The following PAK5 variants were observed in gnomAD, a reference collection of about 807,000 sequenced individuals.
PAK5 encodes the protein p21 (RAC1) activated kinase 5.
A neutral mutation model predicts 65.9 loss-of-function variants in PAK5; 16 were observed. That is an observed-to-expected ratio of 0.24 (90% CI 0.16 to 0.37). The LOEUF (loss-of-function observed/expected upper bound fraction) is 0.37. PAK5 is among the 10% of genes least tolerant of loss of function. The probability of loss-of-function intolerance (pLI) is 1.00; values close to 1 mark genes in which losing one functional copy is unlikely to be tolerated. For missense variants in PAK5, 785 were observed against 903.9 expected, an observed-to-expected ratio of 0.87 and a Z score of 1.69; for synonymous variants, 371 against 354.9, an observed-to-expected ratio of 1.05 and a Z score of -0.51.
At chr20:9,780,930 TATG>T (rs1476443353) in intron 1 of PAK5, among the ~76,000 whole-genome samples, 3 of 152,194 alleles carry the variant, frequency 2.0e-5, no homozygotes, top group Admixed American at 6.6e-5. Context: ...ATCTAGGTAT[TATG>T]ATGATTATTT....
Position 9,542,845 on chromosome 20 carries a change from T to C in PAK5, c.1870-125A>G, listed in dbSNP as rs183832158. On this transcript the variant is annotated intron_variant, in intron 8 of 9. Transcript: ENST00000353224. ...ACTTGTAACCTCTCAACATTTACAA[T>C]ATAGATTTATAGGCTAAACTGCTGG... is the stretch of plus-strand genomic sequence containing the variant. 173 of 823,130 alleles carry C rather than the reference T, an allele frequency of 2.1e-4. 1 individual carries two copies. In the East Asian group the frequency reaches 4.2e-3, roughly 20 times the overall value. The allele number at this position is 823,130 out of a possible 1,614,324, so 51.0% of individuals were successfully genotyped here.
intron 1 of PAK5, among the ~76,000 whole-genome samples, chr20:9,800,124 C>T (rs1191507654): frequency 2.0e-5 from 3 of 151,992 alleles, no homozygotes; most frequent in Admixed American, 6.6e-5. Flanking sequence ...GAACTGTCTT[C>T]GCTAATCCTT....
At chr20:9,683,714 C>T (rs919208541) in intron 2 of PAK5, among the ~76,000 whole-genome samples, 3 of 151,956 alleles carry the variant, frequency 2.0e-5, no homozygotes, top group African/African-American at 7.3e-5. Flanking sequence ...TGTTTGGTAC[C>T]TTTTTTTGTT....
chr20:9,714,584 G>GC (rs771598490), intron 1 of PAK5, among the ~76,000 whole-genome samples: 14 of 152,012 alleles, frequency 9.2e-5, no homozygotes, highest in Non-Finnish European at 1.6e-4. Context: ...TTTTAAAATG[G>GC]TTACCCTTAA....
intron 1 of PAK5, among the ~76,000 whole-genome samples, chr20:9,799,613 C>G (rs1411659384): frequency 1.3e-5 from 2 of 151,978 alleles, no homozygotes; most frequent in Non-Finnish European, 2.9e-5. Context: ...GATTTATAAT[C>G]TAAAATTCTA....
intron 1 of PAK5, among the ~76,000 whole-genome samples, chr20:9,715,560 G>A (rs1184425851): frequency 1.3e-5 from 2 of 152,042 alleles, no homozygotes; most frequent in Non-Finnish European, 2.9e-5. Context: ...ATACCCAAAG[G>A]ATTATAAATC....
rs1289659137 is a variant in PAK5 at position 9,577,422 on chromosome 20, C to CACATGTGTACACACAT, written c.990+2722_990+2723insATGTGTGTACACATGT. Reference sequence around the variant, plus strand: ...GTACACACACACATGTGTACACACACATGACCCTCCTCATTTCTGCTTCAT... The same window carrying CACATGTGTACACACAT: ...GTACACACACACATGTGTACACACACACATGTGTACACACATATGACCCTCCTCATTTCTGCTTCAT... On this transcript the variant is annotated intron_variant, in intron 4 of 9. Transcript: ENST00000353224. 4 of 151,974 alleles carry CACATGTGTACACACAT rather than the reference C, an allele frequency of 2.6e-5. No individual in the cohort carries two copies. The South Asian group carries it at 8.3e-4, about 32-fold the overall frequency. 9.4% of individuals were successfully genotyped at this position (151,974 alleles called of 1,614,324 possible).
chr20:9,837,684 A>G (rs1979255708), intron 1 of PAK5, among the ~76,000 whole-genome samples: 1 of 152,178 alleles, frequency 6.6e-6, no homozygotes, highest in African/African-American at 2.4e-5. Flanking sequence ...CCAGAAGAGA[A>G]GCGGTTGCAC....
intron 2 of PAK5, among the ~76,000 whole-genome samples, chr20:9,644,979 G>T (rs6086969): frequency 0.71 from 108,613 of 152,130 alleles, 39,066 homozygotes; most frequent in East Asian, 0.96. Context: ...AACATTTGTG[G>T]GGAATAAAAT....
At position 9,566,868 on chromosome 20, in the gene PAK5, C is replaced by T. The variant is rs1440448042; in HGVS notation, c.991-484G>A. On this transcript the variant is annotated intron_variant, in intron 4 of 9. Transcript: ENST00000353224. ...CCACAGGGTGAACATGTGCAATGTT[C>T]TCACCAAATAAGTACAAATATAATT... is the stretch of plus-strand genomic sequence containing the variant. Among the ~76,000 whole-genome samples, 5 of 152,236 alleles carry T rather than the reference C, an allele frequency of 3.3e-5. No homozygotes were observed. The East Asian group carries it at 9.7e-4, about 29-fold the overall frequency.
intron 1 of PAK5, among the ~76,000 whole-genome samples, chr20:9,826,293 A>C (rs1157086949): frequency 6.6e-6 from 1 of 152,210 alleles, no homozygotes; most frequent in African/African-American, 2.4e-5. Context: ...ACATAGTCAA[A>C]TATTTAGTAC....
In PAK5 at chr20:9,790,143, A is replaced by C. The variant is rs904535696; in HGVS notation, c.-162+48619T>G. Among the ~76,000 whole-genome samples, 3 of 151,956 alleles carry C rather than the reference A, an allele frequency of 2.0e-5. No homozygotes were observed. The East Asian group carries it at 5.8e-4, about 29-fold the overall frequency. ...AGGCAAAGGAAGCTGTACCCCTAAA[A>C]CTTCCTCTACGGGTCCTGCTATTGT... On this transcript the variant is annotated intron_variant, in intron 1 of 9. Transcript: ENST00000353224.
chr20:9,555,293 G>T (rs1248995658), intron 7 of PAK5, among the ~76,000 whole-genome samples: 1 of 152,170 alleles, frequency 6.6e-6, no homozygotes, highest in Non-Finnish European at 1.5e-5. Context: ...GGATGCAGGA[G>T]GTGTTTGAGA....
At chr20:9,698,613 C>A (rs973326183) in intron 2 of PAK5, among the ~76,000 whole-genome samples, 4 of 152,154 alleles carry the variant, frequency 2.6e-5, no homozygotes, top group Non-Finnish European at 2.9e-5. Context: ...ACACTGGACA[C>A]TTTGTTAGGA....
intron 1 of PAK5, among the ~76,000 whole-genome samples, chr20:9,770,643 C>T (rs939921052): frequency 1.3e-5 from 2 of 151,956 alleles, no homozygotes; most frequent in Admixed American, 6.6e-5. Context: ...GCAATGTGTG[C>T]CTAGAAAATG....
At chr20:9,703,417 G>A (rs2047964648) in intron 2 of PAK5, among the ~76,000 whole-genome samples, 2 of 152,094 alleles carry the variant, frequency 1.3e-5, no homozygotes, top group Admixed American at 1.3e-4. Flanking sequence ...AACCCAGAGA[G>A]CTATTCCTTT....
intron 1 of PAK5, among the ~76,000 whole-genome samples, chr20:9,714,540 G>A (rs2048118519): frequency 6.6e-6 from 1 of 152,120 alleles, no homozygotes; most frequent in South Asian, 2.1e-4. Flanking sequence ...TAAAGGTGTT[G>A]TGAAGATTTT....
At chr20:9,715,705 AC>A (rs1158816076) in intron 1 of PAK5, among the ~76,000 whole-genome samples, 1 of 152,090 alleles carries the variant, frequency 6.6e-6, no homozygotes, top group Non-Finnish European at 1.5e-5. Flanking sequence ...ACCATGGAAT[AC>A]TATGCAGCCA....
At chr20:9,727,475 T>C (rs1024942751) in intron 1 of PAK5, among the ~76,000 whole-genome samples, 3 of 152,192 alleles carry the variant, frequency 2.0e-5, no homozygotes, top group Non-Finnish European at 1.5e-5. Flanking sequence ...TATGCAAACA[T>C]CCTGCTCTCT....
Sources: allele counts gnomAD v4.1 joint callset (sites outside exome capture counted in the v4.1 genomes callset), GRCh38; gene constraint gnomAD v4.1.1; transcripts MANE v1.5; gene names NCBI Gene and HGNC (gene_info 2026-07-23, HGNC 2026-07-21).